L2HGDH: variants seen among roughly 807,000 people sequenced by gnomAD.
The protein encoded by L2HGDH is L-2-hydroxyglutarate dehydrogenase, mitochondrial.
A neutral mutation model predicts 51.5 loss-of-function variants in L2HGDH; 34 were observed. That is an observed-to-expected ratio of 0.66 (90% CI 0.50 to 0.88). The LOEUF is 0.88. Among genes scored for constraint, L2HGDH ranks in the 40% least tolerant of loss-of-function variants. L2HGDH has a pLI of 0.00. For synonymous variants in L2HGDH, 198 were observed against 197.9 expected, an observed-to-expected ratio of 1.00 and a Z score of -0.01; for missense variants, 558 against 571.9, an observed-to-expected ratio of 0.98 and a Z score of 0.25.
Position 50,245,285 on chromosome 14 carries a change from T to G in L2HGDH, c.*1773A>C. 1 of 985,090 alleles carries G rather than the reference T, an allele frequency of 1.0e-6. No homozygotes were observed. Among genetic ancestry groups the G allele is most frequent in the Non-Finnish European group, 1.2e-6 (1 of 829,606 alleles). The allele number at this position is 985,090 out of a possible 1,614,324, so 61.0% of individuals were successfully genotyped here. On this transcript the variant is annotated 3_prime_UTR_variant, in exon 10 of 10. Transcript: ENST00000267436. The stretch of plus-strand genomic sequence containing the variant: ...AGAGATATAATAGATAAATAACTTT[T>G]TTAAATTGGAGTTCTATACATCAGT...
chr14:50,276,939 T>C (rs774782574), intron 6 of L2HGDH, among the ~76,000 whole-genome samples: 2 of 152,206 alleles, frequency 1.3e-5, no homozygotes, highest in African/African-American at 4.8e-5. Flanking sequence ...TTTAGCAACA[T>C]TCCTGGTATC....
At chr14:50,250,147 C>G (rs1358400225) in intron 9 of L2HGDH, among the ~76,000 whole-genome samples, 1 of 152,182 alleles carries the variant, frequency 6.6e-6, no homozygotes, top group East Asian at 1.9e-4. Context: ...GGTGATCCAC[C>G]CGTCTTGGCC....
chr14:50,290,276 A>C (rs984459127), intron 4 of L2HGDH, among the ~76,000 whole-genome samples: 6 of 152,126 alleles, frequency 3.9e-5, no homozygotes, highest in Non-Finnish European at 8.8e-5. Flanking sequence ...CATAAAAAAA[A>C]ACAAAAACAA....
rs146823449 is a variant in L2HGDH at position 50,247,847 on chromosome 14, G to C, written c.1197-594C>G. 2.5e-3 allele frequency among the ~76,000 whole-genome samples: 378 copies of C among 152,060 alleles called. 2 individuals carry two copies. In the Middle Eastern group the frequency reaches 0.061, roughly 25 times the overall value. ...TCATCTTCAATTTCAAAAGATGATA[G>C]GAAAAGCATAAAAATAAATTTAGCA... is the stretch of plus-strand genomic sequence containing the variant. On this transcript the variant is annotated intron_variant, in intron 9 of 9. Transcript: ENST00000267436.
rs8019040 is a variant in L2HGDH at position 50,291,500 on chromosome 14, G to A, written c.540+2615C>T. 4.8e-3 allele frequency among the ~76,000 whole-genome samples: 733 copies of A among 152,252 alleles called. 6 individuals carry two copies. The highest frequency in any genetic ancestry group is 0.017 in the African/African-American group (695 of 41,544). The stretch of plus-strand genomic sequence containing the variant: ...ACAAGCAAAATAGTTTGATTATCCT[G>A]ACTGGGTGCCAGGAAAGGAATAGGT... On this transcript the variant is annotated intron_variant, in intron 4 of 9. Coordinates refer to ENST00000267436, the MANE Select transcript of L2HGDH (RefSeq NM_024884.3).
intron 9 of L2HGDH, among the ~76,000 whole-genome samples, chr14:50,258,139 C>T (rs1274139175): frequency 1.3e-5 from 2 of 151,548 alleles, no homozygotes; most frequent in African/African-American, 4.8e-5. Flanking sequence ...TATGTATTAT[C>T]CAGTTGCAAC....
intron 5 of L2HGDH, among the ~76,000 whole-genome samples, chr14:50,279,665 C>A (rs1890154636): frequency 6.6e-6 from 1 of 150,478 alleles, no homozygotes; most frequent in Admixed American, 6.6e-5. Flanking sequence ...CATAGTGAGA[C>A]CTCAACTCTT....
At chr14:50,276,460 G>A (rs1889984082) in intron 6 of L2HGDH, among the ~76,000 whole-genome samples, 1 of 105,446 alleles carries the variant, frequency 9.5e-6, no homozygotes, top group South Asian at 3.0e-4. Context: ...AGATTGAATT[G>A]TGCCCCCCCC....
At chr14:50,248,696 C>A (rs192222887) in intron 9 of L2HGDH, among the ~76,000 whole-genome samples, 1 of 152,272 alleles carries the variant, frequency 6.6e-6, no homozygotes, top group African/African-American at 2.4e-5. Flanking sequence ...GATTTTTTAG[C>A]TGTAAGAATT....
intron 6 of L2HGDH, among the ~76,000 whole-genome samples, chr14:50,271,047 C>T (rs992327969): frequency 1.3e-5 from 2 of 152,120 alleles, no homozygotes; most frequent in African/African-American, 2.4e-5. Context: ...GGCTGGAGTG[C>T]GATGGCGCAG....
intron 5 of L2HGDH, among the ~76,000 whole-genome samples, chr14:50,283,204 G>A (rs1890374081): frequency 7.2e-6 from 1 of 138,876 alleles, no homozygotes; most frequent in African/African-American, 3.2e-5. Context: ...CTGCCCCAAG[G>A]GGAAAAAAAA....
intron 1 of L2HGDH, among the ~76,000 whole-genome samples, chr14:50,309,719 G>C (rs1481747870): frequency 1.4e-5 from 2 of 142,520 alleles, no homozygotes; most frequent in Admixed American, 7.2e-5. Flanking sequence ...GTCTTGCTCT[G>C]TTGTCCAGGC....
At chr14:50,293,748 T>C (rs56820086) in intron 4 of L2HGDH, among the ~76,000 whole-genome samples, 1,584 of 152,312 alleles carry the variant, frequency 0.01, 22 homozygotes, top group South Asian at 0.034. Flanking sequence ...TAAACTTCAA[T>C]GTTATTAACA....
chr14:50,303,841 T>G (rs1167628045), intron 1 of L2HGDH, among the ~76,000 whole-genome samples: 1 of 136,330 alleles, frequency 7.3e-6, no homozygotes, highest in African/African-American at 2.7e-5. Flanking sequence ...TCAAAAGTTA[T>G]ACGCATCACT....
chr14:50,260,978 G>A (rs1465959254), intron 9 of L2HGDH, among the ~76,000 whole-genome samples: 1 of 152,094 alleles, frequency 6.6e-6, no homozygotes, highest in Non-Finnish European at 1.5e-5. Context: ...TTAGCCGGGT[G>A]TGGTGGCAGG....
chr14:50,299,698 T>C (rs1269837675), intron 3 of L2HGDH, among the ~76,000 whole-genome samples: 1 of 152,176 alleles, frequency 6.6e-6, no homozygotes, highest in African/African-American at 2.4e-5. Context: ...TGACACATCA[T>C]ATCAACAAGA....
At chr14:50,277,002 C>CA (rs2140001192) in intron 6 of L2HGDH, among the ~76,000 whole-genome samples, 1 of 152,302 alleles carries the variant, frequency 6.6e-6, no homozygotes, top group East Asian at 1.9e-4. Flanking sequence ...TTGTGACAAT[C>CA]AAAAATGTCT....
At chr14:50,309,265 G>C (rs1002836671) in intron 1 of L2HGDH, among the ~76,000 whole-genome samples, 1 of 152,114 alleles carries the variant, frequency 6.6e-6, no homozygotes, top group African/African-American at 2.4e-5. Context: ...AATATTTGGT[G>C]ATATAAAAAA....
At chr14:50,282,258 A>G (rs1411101552) in intron 5 of L2HGDH, among the ~76,000 whole-genome samples, 1 of 152,092 alleles carries the variant, frequency 6.6e-6, no homozygotes, top group Non-Finnish European at 1.5e-5. Flanking sequence ...ACGACAAAGA[A>G]CGATCTGGCC....
Sources: allele counts gnomAD v4.1 joint callset (sites outside exome capture counted in the v4.1 genomes callset), GRCh38; gene constraint gnomAD v4.1.1; transcripts MANE v1.5; gene names NCBI Gene and HGNC (gene_info 2026-07-23, HGNC 2026-07-21).